Variants in HDAC9 observed in about 807,000 individuals in gnomAD.
HDAC9 encodes MEF-2 interacting transcription repressor (MITR) protein.
HDAC9 carries 41 observed loss-of-function variants against 139.4 expected under a neutral mutation model. The ratio of observed to expected loss-of-function variants is 0.29; its 90% CI spans 0.23 to 0.38. The LOEUF (loss-of-function observed/expected upper bound fraction) is 0.38. Among genes scored for constraint, HDAC9 ranks in the 10% least tolerant of loss-of-function variants. The pLI, the probability that HDAC9 is intolerant of heterozygous loss-of-function variation, is 1.00. For missense variants in HDAC9, 1,147 were observed against 1,297.0 expected (o/e 0.88, Z 1.78); for synonymous variants, 517 against 476.2 (o/e 1.09, Z -1.12).
In HDAC9 at chr7:18,695,832, TTTTA is replaced by T. The variant is rs200353713; in HGVS notation, c.1731+29364_1731+29367del. ...TCAGTTTTTCAGTTTTCTCACACATTTTTATTTATTTTCTGGCTAGTATTTTGAA... is the reference window on the plus strand; with the variant it reads ...TCAGTTTTTCAGTTTTCTCACACATTTTTATTTTCTGGCTAGTATTTTGAA... On this transcript the variant is annotated intron_variant, in intron 12 of 25. Transcript: ENST00000686413. 5.3e-5 allele frequency among the ~76,000 whole-genome samples: 8 copies of T among 152,314 alleles called. No homozygotes were observed. The East Asian group carries it at 1.5e-3, about 29-fold the overall frequency.
At chr7:18,823,612 A>G (rs1795149405) in intron 17 of HDAC9, among the ~76,000 whole-genome samples, 1 of 152,134 alleles carries the variant, frequency 6.6e-6, no homozygotes, top group African/African-American at 2.4e-5. Flanking sequence ...GTATTTCAGT[A>G]CAGGCCTATG....
At chr7:18,890,183 TTAGA>T (rs1018855907) in intron 22 of HDAC9, among the ~76,000 whole-genome samples, 5 of 152,226 alleles carry the variant, frequency 3.3e-5, no homozygotes, top group African/African-American at 1.2e-4. Context: ...TTAGCCAATA[TTAGA>T]TAGTCTTATC....
intron 12 of HDAC9, among the ~76,000 whole-genome samples, chr7:18,696,981 A>G (rs1299179989): frequency 6.6e-6 from 1 of 152,206 alleles, no homozygotes; most frequent in Non-Finnish European, 1.5e-5. Context: ...CTTCCCACAC[A>G]TAAGCACAAA....
chr7:18,097,602 C>G (rs1782593685), intron 1 of HDAC9, among the ~76,000 whole-genome samples: 1 of 151,834 alleles, frequency 6.6e-6, no homozygotes, highest in Non-Finnish European at 1.5e-5. Flanking sequence ...AGGTCTTGCT[C>G]TGTCACACAG....
chr7:18,876,795 C>T (rs912049096), intron 22 of HDAC9, among the ~76,000 whole-genome samples: 9 of 151,544 alleles, frequency 5.9e-5, no homozygotes, highest in Admixed American at 2.6e-4. Context: ...CTCTGCCTCC[C>T]GGGTTTAAGC....
chr7:18,879,981 T>C (rs903470715), intron 22 of HDAC9, among the ~76,000 whole-genome samples: 1 of 151,926 alleles, frequency 6.6e-6, no homozygotes, highest in Non-Finnish European at 1.5e-5. Context: ...AACAACCCCA[T>C]TAAAACGTGG....
chr7:18,314,118 G>A (rs936839387), intron 1 of HDAC9, among the ~76,000 whole-genome samples: 2 of 152,124 alleles, frequency 1.3e-5, no homozygotes, highest in African/African-American at 4.8e-5. Flanking sequence ...CTTTGCCAAA[G>A]TATGTTGGAC....
intron 1 of HDAC9, among the ~76,000 whole-genome samples, chr7:18,347,758 C>T (rs764447464): frequency 1.8e-4 from 27 of 151,874 alleles, no homozygotes; most frequent in Middle Eastern, 3.4e-3. Context: ...CCACCACGCC[C>T]GGCTAATTTT....
intron 2 of HDAC9, among the ~76,000 whole-genome samples, chr7:18,165,696 G>A (rs775871469): frequency 1.3e-5 from 2 of 151,846 alleles, no homozygotes; most frequent in Non-Finnish European, 2.9e-5. Context: ...AAGCTGAGGT[G>A]GGAGGATTGC....
chr7:18,775,911 T>C (rs983144997), intron 16 of HDAC9, among the ~76,000 whole-genome samples: 2 of 152,042 alleles, frequency 1.3e-5, no homozygotes, highest in Non-Finnish European at 2.9e-5. Context: ...TGTCTCAGCT[T>C]TCTTTGATGG....
intron 1 of HDAC9, among the ~76,000 whole-genome samples, chr7:18,439,408 C>T (rs903912433): frequency 6.6e-6 from 1 of 152,100 alleles, no homozygotes; most frequent in Non-Finnish European, 1.5e-5. Context: ...ACAAATGAAA[C>T]CCTGTCTGGC....
chr7:18,790,917 C>T (rs187827754), intron 16 of HDAC9, among the ~76,000 whole-genome samples: 40 of 152,246 alleles, frequency 2.6e-4, no homozygotes, highest in African/African-American at 8.9e-4. Flanking sequence ...GTAACCCCCA[C>T]CCGGCAACTC....
intron 16 of HDAC9, among the ~76,000 whole-genome samples, chr7:18,787,254 A>C (rs1791901074): frequency 6.6e-6 from 1 of 151,946 alleles, no homozygotes; most frequent in Admixed American, 6.6e-5. Flanking sequence ...TGTGACTCTC[A>C]CCCTAAAGTG....
At chr7:18,317,003 AGAATGGCGT>A (rs2128631337) in intron 1 of HDAC9, among the ~76,000 whole-genome samples, 1 of 151,746 alleles carries the variant, frequency 6.6e-6, no homozygotes, top group Admixed American at 6.6e-5. Context: ...CTGAGGCAGG[AGAATGGCGT>A]GAACCCGGGA....
chr7:18,715,233 G>A (rs957860676), intron 12 of HDAC9, among the ~76,000 whole-genome samples: 1 of 144,636 alleles, frequency 6.9e-6, no homozygotes, highest in Non-Finnish European at 1.5e-5. Context: ...TCTATTTTAA[G>A]GGGAAAGTGT....
chr7:18,772,981 C>G (rs557914408), intron 16 of HDAC9, among the ~76,000 whole-genome samples: 2 of 152,006 alleles, frequency 1.3e-5, no homozygotes, highest in African/African-American at 4.8e-5. Flanking sequence ...ACAACACTCC[C>G]TACAGAGATA....
chr7:18,567,266 A>G (rs1488142376), intron 2 of HDAC9, among the ~76,000 whole-genome samples: 1 of 152,068 alleles, frequency 6.6e-6, no homozygotes, highest in Non-Finnish European at 1.5e-5. Context: ...ATGGGGTTCT[A>G]TGGCTATACT....
chr7:18,394,668 C>T (rs1786856349), intron 1 of HDAC9, among the ~76,000 whole-genome samples: 2 of 151,982 alleles, frequency 1.3e-5, no homozygotes, highest in East Asian at 3.9e-4. Context: ...TCTTGAGGAT[C>T]AAGGGCTAGT....
At chr7:18,252,800 C>G (rs1795002332) in intron 2 of HDAC9, among the ~76,000 whole-genome samples, 1 of 151,924 alleles carries the variant, frequency 6.6e-6, no homozygotes, top group Non-Finnish European at 1.5e-5. Flanking sequence ...ATTTAACTCC[C>G]AAACCACAAT....
Sources: gnomAD v4.1 joint callset for allele counts (sites outside exome capture counted in the v4.1 genomes callset) on GRCh38, gnomAD v4.1.1 for gene constraint, MANE v1.5 for transcripts, NCBI Gene and HGNC (gene_info 2026-07-23, HGNC 2026-07-21) for gene names.